TLN2: variants seen among roughly 807,000 people sequenced by gnomAD.
TLN2 encodes talin-2.
A neutral mutation model predicts 294.7 loss-of-function variants in TLN2; 118 were observed. That is an observed-to-expected ratio of 0.40 (90% CI 0.34 to 0.47). The LOEUF (loss-of-function observed/expected upper bound fraction) is 0.47, where lower values mean the gene tolerates loss of function less well. TLN2 is among the 20% of genes least tolerant of loss of function. The pLI is 0.84. For synonymous variants in TLN2, 1,431 were observed against 1,304.5 expected (o/e 1.10, Z -2.09); for missense variants, 3,083 against 3,282.2 (o/e 0.94, Z 1.48).
chr15:62,429,130 T>TGG (rs201052996), intron 1 of TLN2, among the ~76,000 whole-genome samples: 38 of 74,942 alleles, frequency 5.1e-4, no homozygotes, highest in Admixed American at 1.3e-3. Context: ...TTGGCGGGGG[T>TGG]TGGGGGGGTA....
chr15:62,690,455 G>T (rs1471184270), intron 12 of TLN2: 8 of 142,844 alleles, frequency 5.6e-5, no homozygotes, highest in Non-Finnish European at 1.1e-4. Flanking sequence ...ATGTGATGGC[G>T]GCCGGCCGGG....
intron 1 of TLN2, among the ~76,000 whole-genome samples, chr15:62,428,182 C>T (rs1339020942): frequency 1.3e-5 from 2 of 152,074 alleles, no homozygotes; most frequent in East Asian, 3.9e-4. Flanking sequence ...TCACCTTTCC[C>T]AGGTAGGTTT....
chr15:62,415,559 T>C, intron 1 of TLN2, among the ~76,000 whole-genome samples: 1 of 151,646 alleles, frequency 6.6e-6, no homozygotes, highest in African/African-American at 2.4e-5. Flanking sequence ...AGAGGACAGC[T>C]AACAGTGCCC....
chr15:62,630,665 T>C (rs374047076), intron 3 of TLN2, among the ~76,000 whole-genome samples: 54 of 152,340 alleles, frequency 3.5e-4, no homozygotes, highest in South Asian at 4.1e-4. Flanking sequence ...CTGCGTTTAT[T>C]TGATGCATGA....
intron 1 of TLN2, among the ~76,000 whole-genome samples, chr15:62,586,663 T>C (rs985035688): frequency 2.0e-5 from 3 of 152,172 alleles, no homozygotes; most frequent in South Asian, 4.1e-4. Flanking sequence ...TATAACCCAA[T>C]AAAAATAAAT....
intron 3 of TLN2, among the ~76,000 whole-genome samples, chr15:62,639,344 A>G (rs1276943689): frequency 2.0e-5 from 3 of 152,160 alleles, no homozygotes; most frequent in Non-Finnish European, 4.4e-5. Flanking sequence ...TGGGGTTTGC[A>G]CAGCAGCCCT....
chr15:62,618,267 T>G (rs2048476934), intron 2 of TLN2, 84 bp from the exon 3 acceptor site: 3 of 152,266 alleles, frequency 2.0e-5, no homozygotes, highest in African/African-American at 7.2e-5. Flanking sequence ...TCTGTTCAAC[T>G]TCAGTGACTG....
chr15:62,606,305 G>A (rs566248185), intron 2 of TLN2, among the ~76,000 whole-genome samples: 2 of 149,226 alleles, frequency 1.3e-5, no homozygotes, highest in Non-Finnish European at 3.0e-5. Context: ...TGGTCAGGCT[G>A]GTCTCGAATT....
chr15:62,495,638 T>C (rs747447408), intron 1 of TLN2, among the ~76,000 whole-genome samples: 213 of 152,342 alleles, frequency 1.4e-3, no homozygotes, highest in Non-Finnish European at 2.7e-3. Context: ...AAAGTAGATG[T>C]AGGAAAATTT....
chr15:62,603,441 G>A (rs2047166300), intron 2 of TLN2, among the ~76,000 whole-genome samples: 1 of 152,110 alleles, frequency 6.6e-6, no homozygotes, highest in Non-Finnish European at 1.5e-5. Flanking sequence ...GGCATAGAGA[G>A]AGAGAGAGAG....
Position 62,742,403 on chromosome 15 carries a change from G to A in TLN2, c.4025+1634G>A, listed in dbSNP as rs116194271. 3.9e-3 allele frequency among the ~76,000 whole-genome samples: 588 copies of A among 152,110 alleles called. 3 individuals are homozygous for A. Among genetic ancestry groups the A allele is most frequent in the African/African-American group, 0.014 (573 of 41,502 alleles). ...CATTTCCAGGTATCAGAACTCAGAT[G>A]TTTTTCATTATCTTCAATTTTTTGC... On this transcript the variant is annotated intron_variant, in intron 32 of 58. Transcript: ENST00000636159.
chr15:62,805,656 G>T lies in TLN2; in HGVS notation c.6534G>T (p.Arg2178Ser), dbSNP rs746585245. 6.2e-7 allele frequency: 1 copy of T among 1,614,050 alleles called. No homozygotes were observed. Residue 2178 changes from arginine (R) to serine (S), a missense_variant, in exon 51 of 59, where the codon AGG (arginine) becomes AGT (serine). Coordinates refer to ENST00000636159, the MANE Select transcript of TLN2 (RefSeq NM_015059.3). ...CATCATCACCTGAAGAATCCATAAG[G>T]ATGACGAAAGGCATCACCATGGCAA... ...EKTSSPEESI[R>S]MTKGITMATA...
rs534502905 is a variant in TLN2 at position 62,651,919 on chromosome 15, A to G, written c.235-86A>G. On this transcript the variant is annotated intron_variant, in intron 5 of 58. Transcript: ENST00000636159. ...AATCAGAGTCTACTCTGATTTTTTT[A>G]AAATTCATTTTTTAAAGAAAAGTGT... The G allele has an allele frequency of 1.6e-4, 227 of 1,412,862 alleles. 2 individuals are homozygous for G. In the South Asian group the frequency reaches 3.1e-3, roughly 19 times the overall value. 87.5% of individuals were successfully genotyped at this position (1,412,862 alleles called of 1,614,324 possible).
chr15:62,611,461 G>C (rs951313946), intron 2 of TLN2, among the ~76,000 whole-genome samples: 1 of 152,204 alleles, frequency 6.6e-6, no homozygotes, highest in Non-Finnish European at 1.5e-5. Context: ...AAGGGACTGT[G>C]TCTGATTTAT....
At chr15:62,429,463 G>A (rs576865032) in intron 1 of TLN2, among the ~76,000 whole-genome samples, 3 of 152,244 alleles carry the variant, frequency 2.0e-5, no homozygotes, top group Admixed American at 6.5e-5. Flanking sequence ...CTCCCCACCC[G>A]ACTTGAGACC....
chr15:62,664,752 G>A (rs2054337150), intron 9 of TLN2, among the ~76,000 whole-genome samples: 1 of 148,760 alleles, frequency 6.7e-6, no homozygotes, highest in Non-Finnish European at 1.5e-5. Flanking sequence ...CAGCTACTCG[G>A]GAGGCTGAGG....
chr15:62,577,545 T>C (rs2044534721), intron 1 of TLN2, among the ~76,000 whole-genome samples: 2 of 152,210 alleles, frequency 1.3e-5, no homozygotes. Flanking sequence ...CTTGCTTCAA[T>C]ATAATCTCCA....
chr15:62,466,054 G>A (rs2037118103), intron 1 of TLN2, among the ~76,000 whole-genome samples: 1 of 152,164 alleles, frequency 6.6e-6, no homozygotes, highest in Non-Finnish European at 1.5e-5. Context: ...GAAATATGAT[G>A]GGGCTTTGAG....
chr15:62,469,133 A>G (rs1332137605), intron 1 of TLN2, among the ~76,000 whole-genome samples: 1 of 152,204 alleles, frequency 6.6e-6, no homozygotes, highest in Non-Finnish European at 1.5e-5. Flanking sequence ...AATGAGAAAC[A>G]TTTGTGTTGG....
Sources: gnomAD v4.1 joint callset for allele counts (sites outside exome capture counted in the v4.1 genomes callset) on GRCh38, gnomAD v4.1.1 for gene constraint, MANE v1.5 for transcripts, NCBI Gene and HGNC (gene_info 2026-07-23, HGNC 2026-07-21) for gene names.